CACNA2D4: variants seen among roughly 807,000 people sequenced by gnomAD.
CACNA2D4 encodes voltage-dependent calcium channel subunit alpha-2/delta-4.
A neutral mutation model predicts 163.8 loss-of-function variants in CACNA2D4; 157 were observed. The observed-to-expected ratio is 0.96, with a 90% CI of 0.84 to 1.09. The LOEUF is 1.09. Ranked by LOEUF, CACNA2D4 falls within the 50% of genes least tolerant of loss-of-function variation. The pLI, the probability that CACNA2D4 is intolerant of heterozygous loss-of-function variation, is 0.00. For missense variants in CACNA2D4, 1,410 were observed against 1,479.9 expected (o/e 0.95, Z 0.78); for synonymous variants, 598 against 586.9 (o/e 1.02, Z -0.27).
At chr12:1,801,517 C>G (rs1311993955) in intron 30 of CACNA2D4, 57 bp downstream of exon 30, 1 of 1,338,432 alleles carries the variant, frequency 7.5e-7, no homozygotes, top group African/African-American at 1.5e-5. Context: ...GACCACTTAG[C>G]GTCAGCTCTC....
chr12:1,893,551 T>C (rs12368709), intron 6 of CACNA2D4, among the ~76,000 whole-genome samples: 17,406 of 152,094 alleles, frequency 0.11, 1,065 homozygotes, highest in Admixed American at 0.14. Flanking sequence ...TTGAAATCAT[T>C]TCTAGTATCT....
chr12:1,886,371 T>G lies in CACNA2D4; in HGVS notation c.845A>C (p.Tyr282Ser), dbSNP rs769131869. 6.2e-7 allele frequency: 1 copy of G among 1,613,404 alleles called. No individual in the cohort carries two copies. Among genetic ancestry groups the G allele is most frequent in the South Asian group, 1.1e-5 (1 of 91,040 alleles). The change falls in exon 8 of 38, where the codon TAC becomes TCC. Residue 282 changes from tyrosine to serine, a missense_variant and splice_region_variant. Coordinates refer to ENST00000382722, the MANE Select transcript of CACNA2D4 (RefSeq NM_172364.5). ...CTTGGGAGAAGTAGCAGCTTGAATG[T>G]ACCTGAAGGAAGAAAGGGACATGCC... ...ITFDCRNRGW[Y>S]IQAATSPKDI...
At chr12:1,811,594 GA>G in intron 27 of CACNA2D4, 67 bp downstream of exon 27, 3 of 1,471,056 alleles carry the variant, frequency 2.0e-6, no homozygotes, top group Admixed American at 2.0e-5. Context: ...AGGGGAGGGA[GA>G]GGGGGTCTCA....
At chr12:1,885,825 C>A in intron 9 of CACNA2D4, 140 bp downstream of exon 9, 1 of 651,502 alleles carries the variant, frequency 1.5e-6, no homozygotes, top group Non-Finnish European at 2.7e-6. Context: ...GGGTTGTTTG[C>A]ATGGGTAACG....
At chr12:1,842,966 G>A (rs1469211073) in intron 25 of CACNA2D4, among the ~76,000 whole-genome samples, 2 of 152,220 alleles carry the variant, frequency 1.3e-5, no homozygotes, top group African/African-American at 2.4e-5. Flanking sequence ...GCTTGGATTA[G>A]GGCAGAGCTT....
intron 18 of CACNA2D4, among the ~76,000 whole-genome samples, chr12:1,871,608 G>A (rs543454859): frequency 1.3e-5 from 2 of 151,234 alleles, no homozygotes; most frequent in African/African-American, 4.9e-5. Context: ...ACACATGTAT[G>A]CCGCTCGTGT....
intron 37 of CACNA2D4, 36 bp from the exon 38 acceptor site, chr12:1,793,795 CAGA>C: frequency 6.4e-7 from 1 of 1,554,928 alleles, no homozygotes; most frequent in South Asian, 1.1e-5. Context: ...GCGCGGCGCT[CAGA>C]GGAGGACCCT....
In CACNA2D4 at chr12:1,879,827, C is replaced by T. The variant is rs200703438; in HGVS notation, c.1540G>A (p.Val514Ile). The T allele has an allele frequency of 3.1e-6, 5 of 1,603,122 alleles. No individual in the cohort carries two copies. The highest frequency in any genetic ancestry group is 2.2e-5 in the East Asian group (1 of 44,540). The change falls in exon 14 of 38, where the codon GTC becomes ATC. Residue 514 changes from valine (V) to isoleucine (I), a missense_variant. Val to Ile is a conservative substitution (Grantham distance 29). Transcript: ENST00000382722. ...LTLLTTVAMP[V>I]FSKKNETRSH... ...ACCGTTTCGTTCTTCTTGCTGAAGACTGGCATGGCCACAGTGGTGAGCAGT... is the reference window on the plus strand; with the variant it reads ...ACCGTTTCGTTCTTCTTGCTGAAGATTGGCATGGCCACAGTGGTGAGCAGT...
chr12:1,896,659 CA>C (rs1866414777), intron 6 of CACNA2D4, among the ~76,000 whole-genome samples: 1 of 138,972 alleles, frequency 7.2e-6, no homozygotes, highest in African/African-American at 2.8e-5. Flanking sequence ...ACACACAAAA[CA>C]GATGCTAGCA....
intron 25 of CACNA2D4, 57 bp from the exon 26 acceptor site, chr12:1,840,876 G>C (rs1865007483): frequency 6.9e-7 from 1 of 1,443,940 alleles, no homozygotes; most frequent in African/African-American, 1.4e-5. Flanking sequence ...GGCAGGTGGA[G>C]CGCTACCACT....
In CACNA2D4 at chr12:1,812,279, G is replaced by A. The variant is rs535218491; in HGVS notation, c.2552-556C>T. 2.6e-4 allele frequency among the ~76,000 whole-genome samples: 40 copies of A among 152,326 alleles called. No individual in the cohort carries two copies. The South Asian group carries it at 8.1e-3, about 31-fold the overall frequency. ...TTTTCCAGCTCAAAGCCAGGTTCGG[G>A]TTTGCCCAGGGCTGCAGGTGGGTTC... On this transcript the variant is annotated intron_variant, in intron 26 of 37. Transcript: ENST00000382722.
At chr12:1,893,032 A>T (rs1056260048) in intron 6 of CACNA2D4, among the ~76,000 whole-genome samples, 88 of 152,350 alleles carry the variant, frequency 5.8e-4, no homozygotes, top group African/African-American at 2.0e-3. Context: ...GACAGACTCC[A>T]ATACAATAAT....
At chr12:1,915,630 G>T in intron 1 of CACNA2D4, among the ~76,000 whole-genome samples, 1 of 152,252 alleles carries the variant, frequency 6.6e-6, no homozygotes, top group South Asian at 2.1e-4. Flanking sequence ...GAGCCTGAGG[G>T]CAGGGCAGGC....
Position 1,882,884 on chromosome 12 carries a change from C to T in CACNA2D4, c.1468G>A (p.Ala490Thr), listed in dbSNP as rs1358826279. The T allele has an allele frequency of 1.2e-6, 2 of 1,613,732 alleles. No homozygotes were observed. Among genetic ancestry groups the T allele is most frequent in the Admixed American group, 1.7e-5 (1 of 59,994 alleles). ...NHDHDIIWTE[A>T]YMDSKLLSSQ... is the part of the protein sequence containing the mutation. ...AGGCTCACCTTGCTGTCCATGTAGG[C>T]CTCTGTCCAGATGATGTCGTGGTCG... The change falls in exon 13 of 38, where the codon GCC becomes ACC. Residue 490 changes from alanine to threonine, a missense_variant. Coordinates refer to ENST00000382722, the MANE Select transcript of CACNA2D4 (RefSeq NM_172364.5).
Position 1,802,051 on chromosome 12 carries a change from G to A in CACNA2D4, c.2722-407C>T, listed in dbSNP as rs1863354032. On this transcript the variant is annotated intron_variant, in intron 29 of 37. Transcript: ENST00000382722. This position sits in a 1 kb window ranked among gnomAD's most constrained non-coding sequence, Gnocchi z 4.7. ...TGTGTGTGTGTGTGTGTGTGTGTGTGTGTGTGTGTTGGGTCAGATATAAAA... is the reference window on the plus strand; with the variant it reads ...TGTGTGTGTGTGTGTGTGTGTGTGTATGTGTGTGTTGGGTCAGATATAAAA... 7.0e-6 allele frequency among the ~76,000 whole-genome samples: 1 copy of A among 142,842 alleles called. No individual in the cohort carries two copies. The highest frequency in any genetic ancestry group is 7.5e-5 in the Admixed American group (1 of 13,392). The allele number at this position is 142,842 out of a possible 152,430, so 93.7% of individuals were successfully genotyped here. A position where few individuals can be genotyped will look rare whatever the true frequency, so the allele number is the denominator to read the frequency against.
intron 6 of CACNA2D4, among the ~76,000 whole-genome samples, chr12:1,906,248 A>C (rs1015396882): frequency 9.9e-5 from 15 of 152,244 alleles, no homozygotes. Flanking sequence ...ACTTTATGAC[A>C]TTAGAGTTGG....
rs188564871 is a variant in CACNA2D4 at position 1,802,577 on chromosome 12, G to A, written c.2722-933C>T. Among the ~76,000 whole-genome samples the A allele has an allele frequency of 6.6e-6, 1 of 152,330 alleles. No homozygotes were observed. The highest frequency in any genetic ancestry group is 1.9e-4 in the East Asian group (1 of 5,174). On this transcript the variant is annotated intron_variant, in intron 29 of 37. Transcript: ENST00000382722. This position sits in a 1 kb window ranked among gnomAD's most constrained non-coding sequence, Gnocchi z 4.7. Reference sequence around the variant, plus strand: ...CTGCCATTTCCCAGCATGTCAGGGTGGCAGAGCTTGGGCTTTGGTGTTGGA... The same window carrying A: ...CTGCCATTTCCCAGCATGTCAGGGTAGCAGAGCTTGGGCTTTGGTGTTGGA...
intron 18 of CACNA2D4, among the ~76,000 whole-genome samples, chr12:1,866,208 T>C (rs950770258): frequency 6.6e-6 from 1 of 152,240 alleles, no homozygotes; most frequent in African/African-American, 2.4e-5. Flanking sequence ...TCAAATGCTC[T>C]TTTAGCATCT....
At chr12:1,814,153 G>A (rs1863803052) in intron 26 of CACNA2D4, among the ~76,000 whole-genome samples, 1 of 152,164 alleles carries the variant, frequency 6.6e-6, no homozygotes, top group Non-Finnish European at 1.5e-5. Context: ...TTCCTAGAAT[G>A]AGACTCTGCC....
Sources: gnomAD v4.1 joint callset for allele counts (sites outside exome capture counted in the v4.1 genomes callset) on GRCh38, gnomAD v4.1.1 for gene constraint, Gnocchi (gnomAD v3.1) non-coding constraint, MANE v1.5 for transcripts, NCBI Gene and HGNC (gene_info 2026-07-23, HGNC 2026-07-21) for gene names.